GRB10: variants seen among roughly 807,000 people sequenced by gnomAD.
The protein encoded by GRB10 is growth factor receptor bound protein 10.
GRB10 carries 20 observed loss-of-function variants against 80.9 expected under a neutral mutation model. The ratio of observed to expected loss-of-function variants is 0.25; its 90% CI spans 0.17 to 0.36. The LOEUF (loss-of-function observed/expected upper bound fraction) is 0.36. Among genes scored for constraint, GRB10 ranks in the 10% least tolerant of loss-of-function variants. GRB10 has a pLI of 1.00. For missense variants in GRB10, 548 were observed against 747.7 expected (o/e 0.73, Z 3.12); for synonymous variants, 291 against 291.5 (o/e 1.00, Z 0.02).
intron 4 of GRB10, among the ~76,000 whole-genome samples, chr7:50,704,281 C>A (rs144767681): frequency 1.3e-5 from 2 of 152,286 alleles, no homozygotes; most frequent in African/African-American, 4.8e-5. Context: ...AAGTGCTGGG[C>A]GTTCTATTAC....
chr7:50,686,021 A>G (rs1263635159), intron 5 of GRB10, among the ~76,000 whole-genome samples: 1 of 152,134 alleles, frequency 6.6e-6, no homozygotes, highest in African/African-American at 2.4e-5. Flanking sequence ...AGTTCCTGAG[A>G]TGCACCTGGC....
At chr7:50,639,501 G>A (rs997074378) in intron 7 of GRB10, among the ~76,000 whole-genome samples, 4 of 66,770 alleles carry the variant, frequency 6.0e-5, no homozygotes, top group Admixed American at 1.7e-4. Context: ...CGGTGAAACC[G>A]TCTCTACTAA....
At chr7:50,659,406 T>G (rs2058989764) in intron 7 of GRB10, among the ~76,000 whole-genome samples, 3 of 152,202 alleles carry the variant, frequency 2.0e-5, no homozygotes, top group Non-Finnish European at 2.9e-5. Context: ...CACGGAGAGC[T>G]GAGGGAGCCT....
At chr7:50,781,495 A>ATAATCCCTGCAGTC (rs1161080845) in intron 1 of GRB10, 5 of 152,350 alleles carry the variant, frequency 3.3e-5, no homozygotes, top group African/African-American at 1.2e-4. Context: ...CCAGCACGTC[A>ATAATCCCTGCAGTC]TAATCCCTGC....
intron 3 of GRB10, among the ~76,000 whole-genome samples, chr7:50,742,310 CACACAT>C (rs1427550388): frequency 2.0e-4 from 26 of 129,936 alleles, no homozygotes; most frequent in African/African-American, 6.3e-4. Context: ...CACACACACA[CACACAT>C]ACACGGCATC....
At chr7:50,690,025 G>A (rs373489640) in intron 5 of GRB10, among the ~76,000 whole-genome samples, 3 of 152,026 alleles carry the variant, frequency 2.0e-5, no homozygotes, top group South Asian at 2.1e-4. Context: ...GGCTGGGCGC[G>A]GTGGCTCACG....
At chr7:50,757,935 T>C (rs565411556) in intron 2 of GRB10, among the ~76,000 whole-genome samples, 3 of 152,358 alleles carry the variant, frequency 2.0e-5, no homozygotes, top group Non-Finnish European at 4.4e-5. Context: ...CTTTTTCTCA[T>C]GGGCACGATA....
chr7:50,749,145 T>TTTTTTTTTTTTTG, intron 3 of GRB10, among the ~76,000 whole-genome samples: 1 of 149,924 alleles, frequency 6.7e-6, no homozygotes. Flanking sequence ...TTTTTTTTTT[T>TTTTTTTTTTTTTG]TGAGATGGAG....
In GRB10 at chr7:50,686,626, C is replaced by A. The variant is rs1416311440; in HGVS notation, c.140-11968G>T. Among the ~76,000 whole-genome samples, 19 of 152,188 alleles carry A rather than the reference C, an allele frequency of 1.2e-4. 1 individual carries two copies. The South Asian group carries it at 1.7e-3, about 13-fold the overall frequency. ...ACTCATGTTTTGATTTTTATTGTTTCTCTCTATAGAACATTACATTATTAA... is the reference window on the plus strand; with the variant it reads ...ACTCATGTTTTGATTTTTATTGTTTATCTCTATAGAACATTACATTATTAA... On this transcript the variant is annotated intron_variant, in intron 5 of 18. Coordinates refer to ENST00000401949, the MANE Select transcript of GRB10 (RefSeq NM_001350814.2).
At chr7:50,623,982 A>G (rs2052387847) in intron 8 of GRB10, among the ~76,000 whole-genome samples, 1 of 152,176 alleles carries the variant, frequency 6.6e-6, no homozygotes, top group Non-Finnish European at 1.5e-5. Flanking sequence ...AGATTTTTGG[A>G]TTAGGGATAC....
chr7:50,662,513 C>A (rs1474894123), intron 7 of GRB10, among the ~76,000 whole-genome samples: 1 of 152,190 alleles, frequency 6.6e-6, no homozygotes, highest in Non-Finnish European at 1.5e-5. Flanking sequence ...CTCAGAGTGT[C>A]TTCTCCAAAC....
At chr7:50,617,973 T>C (rs1585760412) in intron 10 of GRB10, 98 bp downstream of exon 10, 10 of 1,016,142 alleles carry the variant, frequency 9.8e-6, no homozygotes, top group Non-Finnish European at 1.6e-5. Flanking sequence ...TGGTGAAAGA[T>C]GCGATCTCTT....
At chr7:50,599,509 G>A (rs533470666) in intron 17 of GRB10, among the ~76,000 whole-genome samples, 2 of 152,268 alleles carry the variant, frequency 1.3e-5, no homozygotes, top group South Asian at 2.1e-4. Flanking sequence ...CTGTGTTAAC[G>A]CCTGAATCAA....
intron 2 of GRB10, among the ~76,000 whole-genome samples, chr7:50,765,744 A>G (rs1396584981): frequency 1.0e-5 from 1 of 96,008 alleles, no homozygotes; most frequent in Non-Finnish European, 2.9e-5. Flanking sequence ...CATTCTTGAA[A>G]TAAGTACACT....
chr7:50,598,854 G>A (rs774253921), intron 17 of GRB10, among the ~76,000 whole-genome samples: 7 of 152,198 alleles, frequency 4.6e-5, no homozygotes, highest in Non-Finnish European at 4.4e-5. Flanking sequence ...GGAGGGGCAT[G>A]AAGTGCAGAC....
intron 11 of GRB10, 106 bp from the exon 12 acceptor site, chr7:50,614,986 C>T (rs758909329): frequency 4.8e-5 from 36 of 757,178 alleles, no homozygotes; most frequent in African/African-American, 8.5e-5. Context: ...GCACTTTCCC[C>T]GATGACACTA....
upstream of GRB10, among the ~76,000 whole-genome samples, chr7:50,783,086 G>A (rs982153706): frequency 2.6e-5 from 4 of 152,182 alleles, no homozygotes; most frequent in Admixed American, 1.3e-4. Flanking sequence ...TGACGATGCC[G>A]AAAGCCCTCC....
chr7:50,764,634 G>C (rs2076138089), intron 2 of GRB10, among the ~76,000 whole-genome samples: 1 of 152,168 alleles, frequency 6.6e-6, no homozygotes, highest in African/African-American at 2.4e-5. Context: ...CCACCAGCTG[G>C]GGTGGGGGCA....
intron 6 of GRB10, among the ~76,000 whole-genome samples, chr7:50,673,875 T>A (rs1319586455): frequency 6.6e-6 from 1 of 152,148 alleles, no homozygotes; most frequent in Non-Finnish European, 1.5e-5. Flanking sequence ...CCTATCACCC[T>A]TTGACATCCG....
Sources: allele counts gnomAD v4.1 joint callset (sites outside exome capture counted in the v4.1 genomes callset), GRCh38; gene constraint gnomAD v4.1.1; transcripts MANE v1.5; gene names NCBI Gene and HGNC (gene_info 2026-07-23, HGNC 2026-07-21).